UBAP2: variants seen among roughly 807,000 people sequenced by gnomAD.
The protein encoded by UBAP2 is ubiquitin associated protein 2, also known as ubiquitin-associated protein 2.
UBAP2 carries 75 observed loss-of-function variants against 139.6 expected under a neutral mutation model. The ratio of observed to expected loss-of-function variants is 0.54; its 90% CI spans 0.45 to 0.65. The LOEUF (loss-of-function observed/expected upper bound fraction) is 0.65, where lower values mean the gene tolerates loss of function less well. Ranked by LOEUF, UBAP2 falls within the 30% of genes least tolerant of loss-of-function variation. The probability of loss-of-function intolerance (pLI) is 0.00; values close to 1 mark genes in which losing one functional copy is unlikely to be tolerated. For synonymous variants in UBAP2, 526 were observed against 526.2 expected (o/e 1.00, Z 0.01); for missense variants, 1,368 against 1,369.6 (o/e 1.00, Z 0.02).
chr9:33,992,658 A>C (rs13294688), intron 4 of UBAP2, among the ~76,000 whole-genome samples: 3 of 41,828 alleles, frequency 7.2e-5, no homozygotes, highest in Non-Finnish European at 1.3e-4. Flanking sequence ...TATCGGGCGG[A>C]GGGGGGGGGG....
intron 19 of UBAP2, among the ~76,000 whole-genome samples, chr9:33,930,938 T>C (rs1823926511): frequency 7.1e-6 from 1 of 140,892 alleles, no homozygotes; most frequent in Non-Finnish European, 1.5e-5. Context: ...AATGGGGAAA[T>C]GACTACATGT....
At chr9:34,038,057 T>C (rs1000876129) in intron 1 of UBAP2, among the ~76,000 whole-genome samples, 3 of 140,684 alleles carry the variant, frequency 2.1e-5, no homozygotes, top group African/African-American at 8.0e-5. Context: ...TAGTCCCAGG[T>C]ACCCAAGAGG....
chr9:34,043,298 A>G (rs766150901), intron 1 of UBAP2, among the ~76,000 whole-genome samples: 2 of 151,996 alleles, frequency 1.3e-5, no homozygotes, highest in Non-Finnish European at 2.9e-5. Context: ...CAGCCTCCTG[A>G]GTAGCTGGGA....
At chr9:33,995,399 TA>T (rs1359476521) in intron 4 of UBAP2, 1 of 138,108 alleles carries the variant, frequency 7.2e-6, no homozygotes, top group African/African-American at 2.7e-5. Flanking sequence ...AATATAAATA[TA>T]TATATAAAGT....
Position 33,956,201 on chromosome 9 carries a change from C to T in UBAP2, c.799-55G>A, listed in dbSNP as rs944855533. ...ATTCTACATACTACTAAACCCAAAA[C>T]ACTGACTTCCTGATCATTTGTAGTC... On this transcript the variant is annotated intron_variant, in intron 10 of 28. Coordinates refer to ENST00000379238, the MANE Select transcript of UBAP2 (RefSeq NM_001370062.2). The T allele has an allele frequency of 7.0e-6, 9 of 1,288,952 alleles. 1 individual carries two copies. The South Asian group carries it at 8.5e-5, about 12-fold the overall frequency. The allele number at this position is 1,288,952 out of a possible 1,614,324, so 79.8% of individuals were successfully genotyped here.
chr9:33,926,552 C>A, intron 22 of UBAP2, 65 bp downstream of exon 22: 1 of 1,577,584 alleles, frequency 6.3e-7, no homozygotes, highest in Admixed American at 1.7e-5. Context: ...CAGCCAAGAC[C>A]ATAAGAGGGG....
intron 1 of UBAP2, among the ~76,000 whole-genome samples, chr9:34,043,635 G>A (rs1009592927): frequency 4.6e-5 from 7 of 151,966 alleles, no homozygotes; most frequent in African/African-American, 1.7e-4. Flanking sequence ...ATGGGACTCT[G>A]GGTACATGCA....
chr9:33,966,675 G>A (rs894161770), intron 8 of UBAP2, among the ~76,000 whole-genome samples: 2 of 151,882 alleles, frequency 1.3e-5, no homozygotes, highest in African/African-American at 2.4e-5. Flanking sequence ...TTGCATATAC[G>A]TAGTCAGAAA....
chr9:33,989,156 ATCAT>A (rs1821469128), intron 4 of UBAP2, 30 bp from the exon 5 acceptor site: 4 of 1,578,594 alleles, frequency 2.5e-6, no homozygotes, highest in South Asian at 2.4e-5. Flanking sequence ...TTAATCATTT[ATCAT>A]TCAAAGTGTG....
At position 33,944,614 on chromosome 9, in the gene UBAP2, G is replaced by C; in HGVS notation, c.1296C>G (p.Ser432=). The C allele has an allele frequency of 6.2e-7, 1 of 1,613,884 alleles. No individual in the cohort carries two copies. Among genetic ancestry groups the C allele is most frequent in the Non-Finnish European group, 8.5e-7 (1 of 1,179,842 alleles). Residue 432 remains serine (S), a synonymous_variant, in exon 14 of 29, where the codon TCC becomes TCG. Coordinates refer to ENST00000379238, the MANE Select transcript of UBAP2 (RefSeq NM_001370062.2). ...HLDFKSQPEP[S]PVLSQLSQRQ... ...GCTGGCTCAACTGGCTAAGAACTGG[G>C]GATGGCTCAGGTTGAGATTTGAAGT... is the stretch of plus-strand genomic sequence containing the variant.
At chr9:34,011,432 G>T (rs978492350) in intron 2 of UBAP2, among the ~76,000 whole-genome samples, 3 of 151,892 alleles carry the variant, frequency 2.0e-5, no homozygotes, top group African/African-American at 7.3e-5. Context: ...ACACATAATA[G>T]TCATTTAACA....
chr9:33,976,715 G>A (rs746654300), intron 6 of UBAP2, among the ~76,000 whole-genome samples: 3 of 152,092 alleles, frequency 2.0e-5, no homozygotes, highest in Admixed American at 1.3e-4. Flanking sequence ...TTCTTTCTTA[G>A]GCTGGGAGCA....
chr9:34,002,317 C>T (rs1822778347), intron 2 of UBAP2, among the ~76,000 whole-genome samples: 1 of 151,124 alleles, frequency 6.6e-6, no homozygotes, highest in Non-Finnish European at 1.5e-5. Flanking sequence ...CTCACAGACA[C>T]AATTTATTAT....
chr9:34,048,538 G>A (rs1246275939), intron 1 of UBAP2, among the ~76,000 whole-genome samples: 3 of 152,194 alleles, frequency 2.0e-5, no homozygotes, highest in Non-Finnish European at 4.4e-5. Context: ...CCCGAAAGGG[G>A]GGAGGGGAGG....
At chr9:33,964,828 A>C (rs1827325665) in intron 8 of UBAP2, among the ~76,000 whole-genome samples, 2 of 152,218 alleles carry the variant, frequency 1.3e-5, no homozygotes, top group Admixed American at 1.3e-4. Context: ...ATAAAAATCT[A>C]AGAATGGGAT....
intron 1 of UBAP2, among the ~76,000 whole-genome samples, chr9:34,019,419 A>C (rs1166888415): frequency 6.6e-6 from 1 of 152,082 alleles, no homozygotes; most frequent in African/African-American, 2.4e-5. Flanking sequence ...GTAAAAAAAA[A>C]CGGACAAATA....
At chr9:33,997,451 A>C (rs1320190266) in intron 3 of UBAP2, 2 of 152,208 alleles carry the variant, frequency 1.3e-5, no homozygotes, top group African/African-American at 4.8e-5. Context: ...GCCCATCTAG[A>C]ACCCAGGCCT....
At chr9:33,933,422 AC>A (rs1275431348) in intron 18 of UBAP2, 67 bp downstream of exon 18, 1 of 1,562,364 alleles carries the variant, frequency 6.4e-7, no homozygotes, top group Admixed American at 1.8e-5. Context: ...CATGAAAGCA[AC>A]CTTCTACAGG....
At chr9:33,999,392 G>GAA (rs1211500335) in intron 2 of UBAP2, among the ~76,000 whole-genome samples, 1 of 150,444 alleles carries the variant, frequency 6.6e-6, no homozygotes, top group Admixed American at 6.6e-5. Flanking sequence ...AATAATAAAA[G>GAA]AAAAAATAAA....
Sources: allele counts gnomAD v4.1 joint callset (sites outside exome capture counted in the v4.1 genomes callset), GRCh38; gene constraint gnomAD v4.1.1; transcripts MANE v1.5; gene names NCBI Gene and HGNC (gene_info 2026-07-23, HGNC 2026-07-21).